NLRP13: variants seen among roughly 807,000 people sequenced by gnomAD.
NLRP13 encodes the protein NLR family pyrin domain containing 13.
In NLRP13, 82 loss-of-function variants were observed where a neutral mutation model predicts 94.4. That is an observed-to-expected ratio of 0.87 (90% CI 0.73 to 1.04). NLRP13 has a LOEUF of 1.04. Ranked by LOEUF, NLRP13 falls within the 50% of genes least tolerant of loss-of-function variation. The pLI is 0.00. For synonymous variants in NLRP13, 553 were observed against 464.7 expected (o/e 1.19, Z -2.45); for missense variants, 1,426 against 1,230.8 (o/e 1.16, Z -2.37).
intron 4 of NLRP13, among the ~76,000 whole-genome samples, chr19:55,913,548 C>CTA (rs1986594182): frequency 1.9e-5 from 1 of 52,056 alleles, no homozygotes; most frequent in Admixed American, 1.7e-4. Flanking sequence ...GACTCCGTCT[C>CTA]AAAAAAAAAA....
At chr19:55,913,499 G>A (rs184561275) in intron 4 of NLRP13, among the ~76,000 whole-genome samples, 7 of 129,928 alleles carry the variant, frequency 5.4e-5, no homozygotes, top group African/African-American at 9.0e-5. Flanking sequence ...GCAGTGAGCC[G>A]AGAGGCACCA....
chr19:55,931,907 G>T, intron 1 of NLRP13, 86 bp downstream of exon 1: 1 of 1,141,180 alleles, frequency 8.8e-7, no homozygotes, highest in Non-Finnish European at 1.3e-6. Flanking sequence ...CGGCAGTGTG[G>T]AATGACCCCA....
intron 4 of NLRP13, among the ~76,000 whole-genome samples, chr19:55,916,457 C>G (rs560918847): frequency 3.3e-5 from 5 of 152,122 alleles, no homozygotes; most frequent in African/African-American, 1.2e-4. Context: ...AATCATAAAA[C>G]CTGTACAAAG....
chr19:55,895,316 G>T (rs1036105633), downstream of NLRP13, among the ~76,000 whole-genome samples: 29 of 152,274 alleles, frequency 1.9e-4, no homozygotes, highest in African/African-American at 6.5e-4. Context: ...AGGATGGGGA[G>T]GTTGTAGTGA....
intron 6 of NLRP13, among the ~76,000 whole-genome samples, chr19:55,910,015 C>G (rs917806329): frequency 6.6e-6 from 1 of 152,266 alleles, no homozygotes; most frequent in South Asian, 2.1e-4. Flanking sequence ...TTGGGAGATG[C>G]CACCCTCTTG....
chr19:55,921,916 A>G (rs1160542660), intron 4 of NLRP13, among the ~76,000 whole-genome samples: 9 of 152,208 alleles, frequency 5.9e-5, no homozygotes, highest in Non-Finnish European at 4.4e-5. Context: ...GTTAATTGGT[A>G]TATTAGTCTG....
At chr19:55,921,326 G>GA (rs144829625) in intron 4 of NLRP13, among the ~76,000 whole-genome samples, 2,283 of 152,200 alleles carry the variant, frequency 0.015, 61 homozygotes, top group African/African-American at 0.052. Context: ...TACTTGGAAG[G>GA]AAAAAGACAC....
At chr19:55,898,200 GTTT>G (rs149121317) in intron 10 of NLRP13, among the ~76,000 whole-genome samples, 1 of 135,574 alleles carries the variant, frequency 7.4e-6, no homozygotes, top group Non-Finnish European at 1.6e-5. Context: ...GAGAGTTTTT[GTTT>G]TTGTTTTTGT....
intron 1 of NLRP13, among the ~76,000 whole-genome samples, chr19:55,925,498 G>C (rs1001714852): frequency 1.1e-4 from 16 of 152,184 alleles, no homozygotes; most frequent in Non-Finnish European, 2.2e-4. Flanking sequence ...TGGCTAGTCT[G>C]TTTACGGATT....
At chr19:55,914,781 T>C (rs149901088) in intron 4 of NLRP13, among the ~76,000 whole-genome samples, 1 of 152,356 alleles carries the variant, frequency 6.6e-6, no homozygotes, top group East Asian at 1.9e-4. Context: ...TGAATAGTAT[T>C]CTATTGCATC....
chr19:55,908,703 A>G (rs1233068463), intron 6 of NLRP13, among the ~76,000 whole-genome samples: 1 of 152,202 alleles, frequency 6.6e-6, no homozygotes, highest in Admixed American at 6.5e-5. Flanking sequence ...GTCCTCACTT[A>G]TAAGTGGGAG....
intron 6 of NLRP13, 106 bp downstream of exon 6, chr19:55,910,457 G>T: frequency 9.3e-7 from 1 of 1,071,470 alleles, no homozygotes; most frequent in Non-Finnish European, 1.3e-6. Flanking sequence ...ATCCTCCTGA[G>T]CACGTAGCTT....
intron 6 of NLRP13, among the ~76,000 whole-genome samples, chr19:55,909,214 G>C (rs1336731191): frequency 4.6e-5 from 7 of 152,052 alleles, no homozygotes; most frequent in Admixed American, 1.3e-4. Flanking sequence ...TGTTATACAA[G>C]GTCCACCTCC....
intron 4 of NLRP13, among the ~76,000 whole-genome samples, chr19:55,917,757 G>GTT (rs1986707726): frequency 1.5e-5 from 1 of 67,580 alleles, no homozygotes; most frequent in Admixed American, 1.3e-4. Context: ...CCATACCAGA[G>GTT]TACCTAGATT....
Position 55,910,713 on chromosome 19 carries a change from C to G in NLRP13, c.2132G>C (p.Arg711Thr). ...EILETSKFDS[R>T]MHAWNSICST... ...GCAAATGCTGTTCCATGCGTGCATC[C>G]TGGAATCAAACTTGCTTGTCCTTCA... The change falls in exon 6 of 11, where the codon AGG becomes ACG. Residue 711 changes from arginine (R) to threonine (T), a missense_variant. By Grantham distance (71) the Arg-to-Thr change is moderately conservative. Transcript: ENST00000342929. 1 of 1,608,534 alleles carries G rather than the reference C, an allele frequency of 6.2e-7. No individual in the cohort carries two copies. The highest frequency in any genetic ancestry group is 8.5e-7 in the Non-Finnish European group (1 of 1,175,832).
chr19:55,930,734 A>T (rs1367948036), intron 1 of NLRP13, among the ~76,000 whole-genome samples: 1 of 148,846 alleles, frequency 6.7e-6, no homozygotes, highest in Admixed American at 6.7e-5. Context: ...TATAACAGGC[A>T]CCAGGAAACA....
chr19:55,902,030 C>G lies in NLRP13; in HGVS notation c.2789+5G>C, dbSNP rs200749661. 1.7e-5 allele frequency: 27 copies of G among 1,613,732 alleles called. No individual in the cohort carries two copies. The Admixed American group carries it at 3.8e-4, about 23-fold the overall frequency. ...GCCAACTCAGAGGGAGCCAAGAAAA[C>G]TTACTTCAGGCTCTGCAGGTTACCA... On this transcript the variant is annotated splice_donor_5th_base_variant and intron_variant, in intron 9 of 10. Coordinates refer to ENST00000342929, the MANE Select transcript of NLRP13 (RefSeq NM_176810.2).
Position 55,923,913 on chromosome 19 carries a change from C to T in NLRP13, c.523+1G>A. On this transcript the variant is annotated splice_donor_variant, in intron 4 of 10. Transcript: ENST00000342929. LOFTEE classifies it high-confidence loss of function. The stretch of plus-strand genomic sequence containing the variant: ...TTATCAACATAAAGTAGTATACACA[C>T]CTGCTTCCTCTAGCATCTCTGGTTC... 1 of 1,612,452 alleles carries T rather than the reference C, an allele frequency of 6.2e-7. No individual in the cohort carries two copies. The highest frequency in any genetic ancestry group is 2.2e-5 in the East Asian group (1 of 44,866).
intron 10 of NLRP13, among the ~76,000 whole-genome samples, chr19:55,897,901 A>G (rs1319840032): frequency 6.6e-6 from 1 of 152,194 alleles, no homozygotes; most frequent in Non-Finnish European, 1.5e-5. Context: ...GAGCTAATGG[A>G]ACCATTCCCT....
Sources: gnomAD v4.1 joint callset for allele counts (sites outside exome capture counted in the v4.1 genomes callset) on GRCh38, gnomAD v4.1.1 for gene constraint, MANE v1.5 for transcripts, NCBI Gene and HGNC (gene_info 2026-07-23, HGNC 2026-07-21) for gene names.